The following ZC3H13 variants were observed in gnomAD, a reference collection of about 807,000 sequenced individuals.
The protein encoded by ZC3H13 is zinc finger CCCH domain-containing protein 13.
In ZC3H13, 64 loss-of-function variants were observed where a neutral mutation model predicts 204.1. The observed-to-expected ratio is 0.31, with a 90% CI of 0.26 to 0.39. The LOEUF is 0.39. ZC3H13 is among the 10% of genes least tolerant of loss of function. The probability of loss-of-function intolerance (pLI) is 1.00; values close to 1 mark genes in which losing one functional copy is unlikely to be tolerated. For synonymous variants in ZC3H13, 667 were observed against 693.7 expected (o/e 0.96, Z 0.60); for missense variants, 1,833 against 2,082.7 (o/e 0.88, Z 2.33).
chr13:46,016,763 T>A (rs966912801), intron 5 of ZC3H13, among the ~76,000 whole-genome samples: 2 of 152,160 alleles, frequency 1.3e-5, no homozygotes, highest in African/African-American at 4.8e-5. Context: ...TAAGAAAGAT[T>A]ATTCTTGCTT....
intron 4 of ZC3H13, among the ~76,000 whole-genome samples, chr13:46,026,793 C>T (rs185629072): frequency 2.8e-4 from 42 of 152,074 alleles, no homozygotes; most frequent in African/African-American, 7.7e-4. Context: ...TGAGATTCAG[C>T]TAAAGCAGTT....
At chr13:46,005,727 G>A (rs2041093031) in intron 7 of ZC3H13, among the ~76,000 whole-genome samples, 1 of 152,124 alleles carries the variant, frequency 6.6e-6, no homozygotes, top group Non-Finnish European at 1.5e-5. Flanking sequence ...GGGCTCAAGT[G>A]ATCTGTCCAC....
chr13:46,041,270 A>G (rs991636252), intron 4 of ZC3H13, among the ~76,000 whole-genome samples: 2 of 152,146 alleles, frequency 1.3e-5, no homozygotes, highest in African/African-American at 4.8e-5. Context: ...ATACTGATGC[A>G]TCCCATACTC....
Position 45,989,047 on chromosome 13 carries a change from T to A in ZC3H13, c.995A>T (p.His332Leu), listed in dbSNP as rs765328248. Residue 332 changes from histidine (H) to leucine (L), a missense_variant, in exon 9 of 19, where the codon CAC becomes CTC. By Grantham distance (99) the His-to-Leu change is moderately conservative (BLOSUM62 -3). Transcript: ENST00000679008. ...TGATCCTGATTGTGAGGAAGATGAG[T>A]GATGTCTAGAAGATATAGGAGAATG... ...QHHSPISSRH[H>L]SSSSQSGSSI... 6.2e-7 allele frequency: 1 copy of A among 1,614,048 alleles called. No individual in the cohort carries two copies. The highest frequency in any genetic ancestry group is 8.5e-7 in the Non-Finnish European group (1 of 1,180,008).
intron 17 of ZC3H13, chr13:45,962,064 A>C: frequency 1.6e-6 from 1 of 643,360 alleles, no homozygotes; most frequent in South Asian, 7.0e-5. Context: ...ACAAAATGGA[A>C]AAGAAAAATC....
Position 45,957,315 on chromosome 13 carries a change from A to C in ZC3H13, c.4840-18T>G. On this transcript the variant is annotated intron_variant, in intron 18 of 18. Coordinates refer to ENST00000679008, the MANE Select transcript of ZC3H13 (RefSeq NM_001330564.2). The stretch of plus-strand genomic sequence containing the variant: ...ATGGTGCCCTATTTGAAGAAAACAA[A>C]AACAAACTTTAAAAAAGATGTACAT... 13 of 1,464,238 alleles carry C rather than the reference A, an allele frequency of 8.9e-6. No homozygotes were observed. The highest frequency in any genetic ancestry group is 1.2e-5 in the Non-Finnish European group (13 of 1,097,034). 90.7% of individuals were successfully genotyped at this position (1,464,238 alleles called of 1,614,324 possible).
rs1952447854 is a variant in ZC3H13 at position 45,969,939 on chromosome 13, G to A, written c.2605C>T (p.Arg869Ter). The A allele has an allele frequency of 1.9e-6, 3 of 1,612,060 alleles. No individual in the cohort carries two copies. Among genetic ancestry groups the A allele is most frequent in the South Asian group, 1.1e-5 (1 of 90,932 alleles). The change falls in exon 14 of 19, where the codon CGA becomes TGA. Residue 869 changes from arginine to a stop codon, truncating the protein, a stop_gained. Coordinates refer to ENST00000679008, the MANE Select transcript of ZC3H13 (RefSeq NM_001330564.2). LOFTEE classifies it high-confidence loss of function. Reference sequence around the variant, plus strand: ...CTAAGAGAACGAGATTCTTGAGGTCGTACAACTTGGCTCAAGAGTCTGTGT... The same window carrying A: ...CTAAGAGAACGAGATTCTTGAGGTCATACAACTTGGCTCAAGAGTCTGTGT... ...EKHRLLSQVV[R>*]PQESRSLSPS...
Position 45,967,742 on chromosome 13 carries a change from T to C in ZC3H13, c.4083A>G (p.Arg1361=). Residue 1361 remains arginine (R), a synonymous_variant, in exon 15 of 19, where the codon AGA becomes AGG. Coordinates refer to ENST00000679008, the MANE Select transcript of ZC3H13 (RefSeq NM_001330564.2). ...CCCTTTCAACAGAATCAGAAATTAGTCTCTCTCTTTCCCTATCCAAGTCTC... is the reference window on the plus strand; with the variant it reads ...CCCTTTCAACAGAATCAGAAATTAGCCTCTCTCTTTCCCTATCCAAGTCTC... The part of the protein sequence containing the change: ...KRRDLDRERE[R]LISDSVERDR... 1 of 1,613,196 alleles carries C rather than the reference T, an allele frequency of 6.2e-7. No homozygotes were observed. The highest frequency in any genetic ancestry group is 8.5e-7 in the Non-Finnish European group (1 of 1,179,580).
intron 17 of ZC3H13, among the ~76,000 whole-genome samples, chr13:45,961,851 T>C (rs369440569): frequency 7.2e-5 from 11 of 152,036 alleles, no homozygotes; most frequent in East Asian, 5.8e-4. Flanking sequence ...CCCACAAATA[T>C]ATACACCCAC....
Position 45,967,424 on chromosome 13 carries a change from C to T in ZC3H13, c.4321+80G>A, listed in dbSNP as rs956252944. ...GTCAATTTGCCCATTAGTGGGTGCCCTTTCAAAAGAAAATAGTTGTTTCCC... is the reference window on the plus strand; with the variant it reads ...GTCAATTTGCCCATTAGTGGGTGCCTTTTCAAAAGAAAATAGTTGTTTCCC... On this transcript the variant is annotated intron_variant, in intron 15 of 18. Transcript: ENST00000679008. 12 of 1,473,270 alleles carry T rather than the reference C, an allele frequency of 8.1e-6. No homozygotes were observed. In the African/African-American group the frequency reaches 1.4e-4, roughly 17 times the overall value. The allele number at this position is 1,473,270 out of a possible 1,614,324, so 91.3% of individuals were successfully genotyped here.
rs568011539 is a variant in ZC3H13, at chr13:45,983,708, T to C, written c.1720+1589A>G. On this transcript the variant is annotated intron_variant, in intron 10 of 18. Transcript: ENST00000679008. ...TCCCAAAGTGCTGGGATTACAGGCG[T>C]GAGCCACCGCGCCCGGCCCCTTCTA... 2.0e-5 allele frequency among the ~76,000 whole-genome samples: 3 copies of C among 151,942 alleles called. No homozygotes were observed. The East Asian group carries it at 5.8e-4, about 29-fold the overall frequency.
At chr13:45,970,081 G>A in intron 13 of ZC3H13, 110 bp from the exon 14 acceptor site, 1 of 1,348,034 alleles carries the variant, frequency 7.4e-7, no homozygotes, top group South Asian at 1.5e-5. Flanking sequence ...GACTTTGGGA[G>A]GCCGAGGCAG....
At chr13:46,010,311 A>C in intron 7 of ZC3H13, 37 bp downstream of exon 7, 1 of 1,501,860 alleles carries the variant, frequency 6.7e-7, no homozygotes, top group Non-Finnish European at 9.0e-7. Flanking sequence ...ACTTCAGAAA[A>C]AGCTATTTTC....
At position 45,955,945 on chromosome 13, in the gene ZC3H13, G is replaced by A. The variant is rs1951254092; in HGVS notation, c.*1182C>T. The A allele has an allele frequency of 6.6e-6, 1 of 152,062 alleles. No homozygotes were observed. The highest frequency in any genetic ancestry group is 2.4e-5 in the African/African-American group (1 of 41,418). The allele number at this position is 152,062 out of a possible 1,614,324, so 9.4% of individuals were successfully genotyped here. A position where few individuals can be genotyped will look rare whatever the true frequency, so the allele number is the denominator to read the frequency against. The stretch of plus-strand genomic sequence containing the variant: ...ACAATTATAACACAAACCTGTGAGA[G>A]GGCATGATAAAATTAAATTTTGATT... On this transcript the variant is annotated 3_prime_UTR_variant, in exon 19 of 19. Transcript: ENST00000679008.
Position 45,985,395 on chromosome 13 carries a change from G to C in ZC3H13, c.1622C>G (p.Thr541Arg). Residue 541 changes from threonine to arginine, a missense_variant, in exon 10 of 19, where the codon ACG (threonine) becomes AGG (arginine). Physicochemically the swap from Thr to Arg is moderately conservative, Grantham distance 71 (BLOSUM62 -1). Transcript: ENST00000679008. Reference protein sequence around the residue: ...RNHLREESSRTEIRNESRNES... With the variant: ...RNHLREESSRREIRNESRNES... ...ATTTCTGGACTCATTCCTTATTTCC[G>C]TACGAGAACTTTCTTCTCTCAAATG... 1 of 1,613,996 alleles carries C rather than the reference G, an allele frequency of 6.2e-7. No homozygotes were observed. The highest frequency in any genetic ancestry group is 1.3e-5 in the African/African-American group (1 of 74,976).
intron 4 of ZC3H13, among the ~76,000 whole-genome samples, chr13:46,031,360 G>C (rs7981685): frequency 1.4e-3 from 217 of 152,038 alleles, no homozygotes; most frequent in African/African-American, 5.0e-3. Context: ...ACATAAGAGA[G>C]TATCTAGATG....
At chr13:46,031,609 T>TA (rs1278514301) in intron 4 of ZC3H13, among the ~76,000 whole-genome samples, 1 of 152,158 alleles carries the variant, frequency 6.6e-6, no homozygotes. Context: ...AACCTGTTTT[T>TA]AAAAATAGGC....
At chr13:46,035,358 CATA>C (rs1038734767) in intron 4 of ZC3H13, among the ~76,000 whole-genome samples, 24 of 152,296 alleles carry the variant, frequency 1.6e-4, no homozygotes, top group African/African-American at 5.5e-4. Flanking sequence ...AATTTGAGCA[CATA>C]ATAAATGGTT....
chr13:46,009,074 T>C (rs147139687), intron 7 of ZC3H13, among the ~76,000 whole-genome samples: 11 of 152,244 alleles, frequency 7.2e-5, no homozygotes, highest in Admixed American at 1.3e-4. Context: ...GCAATTATTA[T>C]CAACATGGAG....
Sources: allele counts gnomAD v4.1 joint callset (sites outside exome capture counted in the v4.1 genomes callset), GRCh38; gene constraint gnomAD v4.1.1; transcripts MANE v1.5; gene names NCBI Gene and HGNC (gene_info 2026-07-23, HGNC 2026-07-21).